POLR1E: variants seen among roughly 807,000 people sequenced by gnomAD.
POLR1E encodes the protein DNA-directed RNA polymerase I subunit RPA49.
In POLR1E, 37 loss-of-function variants were observed where a neutral mutation model predicts 50.9. That is an observed-to-expected ratio of 0.73 (90% confidence interval 0.56 to 0.96). The LOEUF (loss-of-function observed/expected upper bound fraction) is 0.96, where lower values mean the gene tolerates loss of function less well. Among genes scored for constraint, POLR1E ranks in the 40% least tolerant of loss-of-function variants. POLR1E has a pLI of 0.00. For missense variants in POLR1E, 426 were observed against 518.1 expected (o/e 0.82, Z 1.73); for synonymous variants, 166 against 191.6 (o/e 0.87, Z 1.10).
At chr9:37,493,842 C>T (rs913461101) in intron 6 of POLR1E, 139 bp downstream of exon 6, 7 of 864,870 alleles carry the variant, frequency 8.1e-6, no homozygotes, top group African/African-American at 3.5e-5. Context: ...GGCCTTCTCA[C>T]GGACAGGTTC....
chr9:37,488,028 G>T, intron 3 of POLR1E, 89 bp downstream of exon 3: 1 of 1,346,950 alleles, frequency 7.4e-7, no homozygotes, highest in Non-Finnish European at 1.1e-6. Flanking sequence ...TGTTTTAAGG[G>T]TAGCAGGAGC....
chr9:37,498,158 G>T lies in POLR1E; in HGVS notation c.820G>T (p.Ala274Ser), dbSNP rs753660223. ...AGATGTGGAGAGCCGAGACCGCCAGGCCCGATGCATATGGTTTCTGGATAC... is the reference window on the plus strand; with the variant it reads ...AGATGTGGAGAGCCGAGACCGCCAGTCCCGATGCATATGGTTTCTGGATAC... ...PSDVESRDRQ[A>S]RCIWFLDTLI... The change falls in exon 9 of 12, where the codon GCC becomes TCC. Residue 274 changes from alanine to serine, a missense_variant. Coordinates refer to ENST00000377798, the MANE Select transcript of POLR1E (RefSeq NM_022490.4). 1.2e-6 allele frequency: 2 copies of T among 1,613,860 alleles called. No homozygotes were observed. Among genetic ancestry groups the T allele is most frequent in the Non-Finnish European group, 1.7e-6 (2 of 1,179,900 alleles).
Position 37,503,135 on chromosome 9 carries a change from C to G in POLR1E, c.1193C>G (p.Thr398Ser). The G allele has an allele frequency of 6.2e-7, 1 of 1,613,868 alleles. No homozygotes were observed. Among genetic ancestry groups the G allele is most frequent in the Non-Finnish European group, 8.5e-7 (1 of 1,179,972 alleles). ...AGSEEDHKLGTLSLPLPPAQT... is the reference protein window; with the variant it reads ...AGSEEDHKLGSLSLPLPPAQT... ...AGTGAAGAAGATCACAAGCTGGGCA[C>G]CCTGTCCCTCCCGCTGCCTCCAGCC... Residue 398 changes from threonine (T) to serine (S), a missense_variant, in exon 12 of 12, where the codon ACC (threonine) becomes AGC (serine). Thr to Ser is a moderately conservative substitution (Grantham distance 58). Coordinates refer to ENST00000377798, the MANE Select transcript of POLR1E (RefSeq NM_022490.4).
chr9:37,489,262 A>C, intron 3 of POLR1E, 53 bp from the exon 4 acceptor site: 1 of 1,399,346 alleles, frequency 7.1e-7, no homozygotes, highest in Non-Finnish European at 9.8e-7. Context: ...AAGCTGTACA[A>C]ATAATGCTTT....
intron 9 of POLR1E, among the ~76,000 whole-genome samples, chr9:37,500,555 G>T (rs1313732664): frequency 6.6e-6 from 1 of 152,134 alleles, no homozygotes; most frequent in Admixed American, 6.5e-5. Flanking sequence ...CACAATTTTT[G>T]TTTTCTAAGG....
At position 37,492,719 on chromosome 9, in the gene POLR1E, AGT is replaced by A; in HGVS notation, c.402+8_402+9del. The A allele has an allele frequency of 6.2e-7, 1 of 1,613,516 alleles. No individual in the cohort carries two copies. ...GACCAAAACTTACAGAGAAAAGGTG[AGT>A]GTGATAGAATTAAGATGTGGGACCT... On this transcript the variant is annotated splice_donor_5th_base_variant and intron_variant, in intron 5 of 11. Transcript: ENST00000377798.
intron 9 of POLR1E, among the ~76,000 whole-genome samples, chr9:37,499,407 C>G (rs1644176750): frequency 1.3e-5 from 2 of 152,082 alleles, no homozygotes; most frequent in Admixed American, 6.5e-5. Context: ...ACAGCAAGAC[C>G]CTGTGTGAAA....
In POLR1E at chr9:37,486,703, T is replaced by TC; in HGVS notation, c.79dup (p.Gln27ProfsTer19). On this transcript the variant is annotated frameshift_variant and splice_region_variant, in exon 2 of 12. Transcript: ENST00000377798. LOFTEE classifies it high-confidence loss of function. ...TCATTCTTGGGCTGCACTCTTACAGTCCAGTTCTCCAACGGGAAGCTACAG... is the reference window on the plus strand; with the variant it reads ...TCATTCTTGGGCTGCACTCTTACAGTCCCAGTTCTCCAACGGGAAGCTACAG... The TC allele has an allele frequency of 1.2e-6, 2 of 1,614,212 alleles. No homozygotes were observed. Among genetic ancestry groups the TC allele is most frequent in the Non-Finnish European group, 1.7e-6 (2 of 1,180,030 alleles).
Position 37,492,697 on chromosome 9 carries a change from C to G in POLR1E, c.384C>G (p.Thr128=), listed in dbSNP as rs747747133. The G allele has an allele frequency of 5.6e-6, 9 of 1,613,900 alleles. No individual in the cohort carries two copies. The highest frequency in any genetic ancestry group is 7.6e-6 in the Non-Finnish European group (9 of 1,179,874). The change falls in exon 5 of 12, where the codon ACC becomes ACG. Residue 128 remains threonine (T), a synonymous_variant. Transcript: ENST00000377798. Reference sequence around the variant, plus strand: ...GTGAACTGGCGCTAGAGAGTCAGACCAAAACTTACAGAGAAAAGGTGAGTG... The same window carrying G: ...GTGAACTGGCGCTAGAGAGTCAGACGAAAACTTACAGAGAAAAGGTGAGTG... The part of the protein sequence containing the change: ...VESELALESQ[T]KTYREKMDSC...
At chr9:37,487,823 A>G (rs1203287086) in intron 2 of POLR1E, 40 bp from the exon 3 acceptor site, 2 of 1,576,006 alleles carry the variant, frequency 1.3e-6, no homozygotes, top group Non-Finnish European at 1.7e-6. Flanking sequence ...ATACCTTTCA[A>G]CATTGGTTGT....
intron 3 of POLR1E, among the ~76,000 whole-genome samples, chr9:37,489,044 G>A (rs977345617): frequency 1.3e-5 from 2 of 152,112 alleles, no homozygotes; most frequent in African/African-American, 4.8e-5. Flanking sequence ...TTCGAGACCA[G>A]CCTGGACAAC....
chr9:37,497,957 T>A, intron 8 of POLR1E, 134 bp from the exon 9 acceptor site: 1 of 1,034,554 alleles, frequency 9.7e-7, no homozygotes, highest in Non-Finnish European at 1.4e-6. Flanking sequence ...TCTTGCCTTG[T>A]TGCCCAGGGT....
intron 11 of POLR1E, 49 bp downstream of exon 11, chr9:37,501,893 A>G: frequency 6.4e-7 from 1 of 1,571,328 alleles, no homozygotes; most frequent in Non-Finnish European, 8.6e-7. Flanking sequence ...TCGATGTCTT[A>G]TTTCTGGTAC....
In POLR1E at chr9:37,503,310, G is replaced by A. The variant is rs1820927722; in HGVS notation, c.*108G>A. 2 of 1,343,272 alleles carry A rather than the reference G, an allele frequency of 1.5e-6. No homozygotes were observed. The highest frequency in any genetic ancestry group is 2.0e-6 in the Non-Finnish European group (2 of 1,010,728). 83.2% of individuals were successfully genotyped at this position (1,343,272 alleles called of 1,614,324 possible). On this transcript the variant is annotated 3_prime_UTR_variant, in exon 12 of 12. Coordinates refer to ENST00000377798, the MANE Select transcript of POLR1E (RefSeq NM_022490.4). ...GAAAAGAAAAGGTCCGGGGATGGTG[G>A]CTCACACCTGAAATCCCAGCACTTT... is the stretch of plus-strand genomic sequence containing the variant.
At chr9:37,489,497 GTTATT>G (rs1820642474) in intron 4 of POLR1E, 97 bp downstream of exon 4, 2 of 787,742 alleles carry the variant, frequency 2.5e-6, no homozygotes, top group Non-Finnish European at 4.0e-6. Flanking sequence ...ACATTTTATA[GTTATT>G]TTAATTTATT....
chr9:37,488,159 T>C (rs1219289706), intron 3 of POLR1E, among the ~76,000 whole-genome samples: 1 of 152,242 alleles, frequency 6.6e-6, no homozygotes, highest in African/African-American at 2.4e-5. Flanking sequence ...CTCATTCATT[T>C]GTAATCTTGT....
chr9:37,497,012 C>T (rs1820797968), intron 8 of POLR1E, among the ~76,000 whole-genome samples: 1 of 152,158 alleles, frequency 6.6e-6, no homozygotes, highest in African/African-American at 2.4e-5. Context: ...AGTACCTGTA[C>T]TATCATTGGC....
chr9:37,497,075 G>A (rs576209166), intron 8 of POLR1E, among the ~76,000 whole-genome samples: 11 of 152,308 alleles, frequency 7.2e-5, no homozygotes, highest in African/African-American at 2.4e-4. Flanking sequence ...AACTTGCCCC[G>A]CTGGGCACGG....
intron 9 of POLR1E, among the ~76,000 whole-genome samples, chr9:37,499,944 G>A (rs1820851360): frequency 6.6e-6 from 1 of 150,848 alleles, no homozygotes; most frequent in African/African-American, 2.4e-5. Flanking sequence ...TCCACCTACT[G>A]GGTTCAAGGG....
Sources: gnomAD v4.1 joint callset for allele counts (sites outside exome capture counted in the v4.1 genomes callset) on GRCh38, gnomAD v4.1.1 for gene constraint, MANE v1.5 for transcripts, NCBI Gene and HGNC (gene_info 2026-07-23, HGNC 2026-07-21) for gene names.